RPS6KA2: variants seen among roughly 807,000 people sequenced by gnomAD.
RPS6KA2 encodes ribosomal protein S6 kinase alpha-2.
A neutral mutation model predicts 91.8 loss-of-function variants in RPS6KA2; 42 were observed. That is an observed-to-expected ratio of 0.46 (90% CI 0.36 to 0.59). RPS6KA2 has a LOEUF of 0.59. Among genes scored for constraint, RPS6KA2 ranks in the 20% least tolerant of loss-of-function variants. The probability of loss-of-function intolerance (pLI) is 0.00; values close to 1 mark genes in which losing one functional copy is unlikely to be tolerated. For missense variants in RPS6KA2, 798 were observed against 978.5 expected, an observed-to-expected ratio of 0.82 and a Z score of 2.46; for synonymous variants, 414 against 393.6, an observed-to-expected ratio of 1.05 and a Z score of -0.61.
chr6:166,683,606 A>T (rs1195715017), intron 2 of RPS6KA2, among the ~76,000 whole-genome samples: 1 of 152,224 alleles, frequency 6.6e-6, no homozygotes, highest in Non-Finnish European at 1.5e-5. Flanking sequence ...CCTTCCATTA[A>T]TCAGTAAATG....
intron 2 of RPS6KA2, among the ~76,000 whole-genome samples, chr6:166,798,130 C>T (rs1379545591): frequency 6.6e-6 from 1 of 152,208 alleles, no homozygotes; most frequent in African/African-American, 2.4e-5. Flanking sequence ...CCACCATTCG[C>T]CCTCAGTGTT....
chr6:166,761,343 C>T (rs1195564769), intron 2 of RPS6KA2, among the ~76,000 whole-genome samples: 1 of 152,244 alleles, frequency 6.6e-6, no homozygotes, highest in Non-Finnish European at 1.5e-5. Flanking sequence ...CCACACCTGG[C>T]TGCCTTTTAT....
At chr6:166,625,320 A>ACCCCCC (rs1474972568) in intron 1 of RPS6KA2, among the ~76,000 whole-genome samples, 21 of 22,674 alleles carry the variant, frequency 9.3e-4, no homozygotes, top group African/African-American at 4.0e-3. Context: ...TCCTATTCCC[A>ACCCCCC]CCACCCCCCC....
intron 2 of RPS6KA2, among the ~76,000 whole-genome samples, chr6:166,722,019 T>C (rs1267548907): frequency 2.0e-5 from 3 of 152,220 alleles, no homozygotes; most frequent in Non-Finnish European, 2.9e-5. Flanking sequence ...TGGAATGTCA[T>C]AGTGGAGTAA....
intron 2 of RPS6KA2, among the ~76,000 whole-genome samples, chr6:166,762,129 A>T (rs770597826): frequency 6.6e-6 from 1 of 152,114 alleles, no homozygotes; most frequent in Non-Finnish European, 1.5e-5. Context: ...AGTGGCAGAA[A>T]CCTTAGGTAC....
chr6:166,428,273 C>T (rs1778997291), intron 16 of RPS6KA2, among the ~76,000 whole-genome samples: 1 of 150,324 alleles, frequency 6.7e-6, no homozygotes, highest in African/African-American at 2.5e-5. Context: ...GAAACTGGAT[C>T]CCTTCCTTAC....
In RPS6KA2 at chr6:166,441,866, T is replaced by TGCCGGGG. The variant is rs929616371; in HGVS notation, c.1332+6851_1332+6857dup. On this transcript the variant is annotated intron_variant, in intron 14 of 20. Transcript: ENST00000265678. ...CTGTGGGGAAGGAAGCTGGAGCAGC[T>TGCCGGGG]GCCGGGGGCCGGGGGCCGGGACCCT... 6.6e-5 allele frequency among the ~76,000 whole-genome samples: 10 copies of TGCCGGGG among 152,318 alleles called. No individual in the cohort carries two copies. In the East Asian group the frequency reaches 7.7e-4, roughly 12 times the overall value.
intron 10 of RPS6KA2, among the ~76,000 whole-genome samples, chr6:166,473,434 T>C (rs4709116): frequency 0.27 from 41,111 of 152,092 alleles, 6,009 homozygotes; most frequent in East Asian, 0.51. Flanking sequence ...TCAAGTGATC[T>C]GCCTGCCTGG....
chr6:166,543,381 G>A (rs1283662441), intron 1 of RPS6KA2, among the ~76,000 whole-genome samples: 3 of 152,094 alleles, frequency 2.0e-5, no homozygotes, highest in Non-Finnish European at 4.4e-5. Flanking sequence ...AGGCCTTCTT[G>A]GTCTGGAATC....
At chr6:166,539,179 A>G (rs1476945820) in intron 1 of RPS6KA2, among the ~76,000 whole-genome samples, 2 of 152,146 alleles carry the variant, frequency 1.3e-5, no homozygotes, top group East Asian at 1.9e-4. Flanking sequence ...CGGCCTCCCA[A>G]AGTGCTGGGG....
rs1254378958 is a variant in RPS6KA2, at chr6:166,639,874, G to A, written c.124-101090C>T. Among the ~76,000 whole-genome samples, 1 of 152,034 alleles carries A rather than the reference G, an allele frequency of 6.6e-6. No homozygotes were observed. Among genetic ancestry groups the A allele is most frequent in the East Asian group, 1.9e-4 (1 of 5,178 alleles). On this transcript the variant is annotated intron_variant, in intron 2 of 21. Transcript: ENST00000503859. This position sits in a 1 kb window ranked among gnomAD's most constrained non-coding sequence, Gnocchi z 4.2. ...TCACTGTGCTGTATTAAAACTTTGG[G>A]TTCCCCTCTCTCTCCCACCAATGTT...
At chr6:166,748,355 G>T (rs1458828408) in intron 2 of RPS6KA2, among the ~76,000 whole-genome samples, 1 of 152,106 alleles carries the variant, frequency 6.6e-6, no homozygotes, top group African/African-American at 2.4e-5. Flanking sequence ...CAAGTAATGG[G>T]TGTTTCTGCG....
At chr6:166,570,138 T>C (rs906794838) in intron 1 of RPS6KA2, among the ~76,000 whole-genome samples, 1 of 152,216 alleles carries the variant, frequency 6.6e-6, no homozygotes, top group African/African-American at 2.4e-5. Context: ...AGAAGCCTAC[T>C]GAGTACCTGT....
At chr6:166,570,724 C>A (rs907803582) in intron 1 of RPS6KA2, among the ~76,000 whole-genome samples, 3 of 152,102 alleles carry the variant, frequency 2.0e-5, no homozygotes, top group Admixed American at 6.5e-5. Flanking sequence ...GGAAACCAGA[C>A]AACATTCAAA....
intron 12 of RPS6KA2, among the ~76,000 whole-genome samples, chr6:166,455,875 A>G (rs562354673): frequency 1.3e-5 from 2 of 152,356 alleles, no homozygotes; most frequent in East Asian, 3.9e-4. Flanking sequence ...GAAATCTTCA[A>G]ACCTGGAGGC....
intron 14 of RPS6KA2, among the ~76,000 whole-genome samples, chr6:166,441,608 T>C (rs573784777): frequency 2.6e-5 from 4 of 152,086 alleles, no homozygotes; most frequent in Non-Finnish European, 5.9e-5. Flanking sequence ...TCCTCTGGAG[T>C]GAACTTGAAC....
intron 10 of RPS6KA2, among the ~76,000 whole-genome samples, chr6:166,485,930 G>A (rs1268422322): frequency 3.9e-5 from 6 of 152,164 alleles, no homozygotes; most frequent in Non-Finnish European, 8.8e-5. Context: ...TGTGGATAGG[G>A]ACTCTGGGCA....
intron 2 of RPS6KA2, chr6:166,702,562 TGTAAGTGAGGAG>T: frequency 1.4e-6 from 2 of 1,428,868 alleles, no homozygotes; most frequent in South Asian, 1.1e-5. Context: ...CACCTCCCAC[TGTAAGTGAGGAG>T]GGATATTTCG....
At position 166,445,571 on chromosome 6, in the gene RPS6KA2, G is replaced by A. The variant is rs13214623; in HGVS notation, c.1332+3153C>T. Among the ~76,000 whole-genome samples the A allele has an allele frequency of 5.3e-5, 8 of 152,178 alleles. No individual in the cohort carries two copies. Among genetic ancestry groups the A allele is most frequent in the Non-Finnish European group, 1.2e-4 (8 of 68,036 alleles). On this transcript the variant is annotated intron_variant, in intron 14 of 20. Coordinates refer to ENST00000265678, the MANE Select transcript of RPS6KA2 (RefSeq NM_021135.6). The surrounding 1 kb of genome is among the most constrained non-coding windows in gnomAD (Gnocchi z 4.5). ...CTCCAGACATTGCCAGTGTCCCCTG[G>A]GGGCCACAGTTACCCCAAATGAATA... is the stretch of plus-strand genomic sequence containing the variant.
Sources: allele counts gnomAD v4.1 joint callset (sites outside exome capture counted in the v4.1 genomes callset), GRCh38; gene constraint gnomAD v4.1.1; non-coding constraint Gnocchi (gnomAD v3.1); transcripts MANE v1.5; gene names NCBI Gene and HGNC (gene_info 2026-07-23, HGNC 2026-07-21).